TESK2: variants seen among roughly 807,000 people sequenced by gnomAD.
TESK2 encodes the protein testis associated actin remodelling kinase 2.
A neutral mutation model predicts 57.1 loss-of-function variants in TESK2; 39 were observed. The ratio of observed to expected loss-of-function variants is 0.68; its 90% CI spans 0.53 to 0.89. TESK2 has a LOEUF of 0.89. Among genes scored for constraint, TESK2 ranks in the 40% least tolerant of loss-of-function variants. The pLI is 0.00. For synonymous variants in TESK2, 249 were observed against 267.9 expected (o/e 0.93, Z 0.69); for missense variants, 646 against 732.1 (o/e 0.88, Z 1.36).
At position 45,367,635 on chromosome 1, in the gene TESK2, C is replaced by G. The variant is rs186597778; in HGVS notation, c.394-12186G>C. Among the ~76,000 whole-genome samples, 7 of 151,568 alleles carry G rather than the reference C, an allele frequency of 4.6e-5. No individual in the cohort carries two copies. In the East Asian group the frequency reaches 1.2e-3, roughly 25 times the overall value. ...AAGTGTAGGGATTACAGGCGTGAGC[C>G]ACTGCATCTGGTCACAAAGCATTTT... On this transcript the variant is annotated intron_variant, in intron 4 of 10. Transcript: ENST00000372086.
chr1:45,471,363 T>C (rs1226390323), intron 1 of TESK2, among the ~76,000 whole-genome samples: 1 of 152,050 alleles, frequency 6.6e-6, no homozygotes, highest in African/African-American at 2.4e-5. Flanking sequence ...AAGAACTCAG[T>C]CTCCTGAAAG....
intron 2 of TESK2, among the ~76,000 whole-genome samples, chr1:45,449,804 G>C (rs1651799732): frequency 6.6e-6 from 1 of 152,108 alleles, no homozygotes; most frequent in Admixed American, 6.6e-5. Context: ...GTTTATTTCA[G>C]TGTTTGAAAT....
intron 3 of TESK2, among the ~76,000 whole-genome samples, chr1:45,403,630 A>G (rs1213313177): frequency 2.0e-5 from 3 of 152,186 alleles, no homozygotes; most frequent in Non-Finnish European, 2.9e-5. Context: ...CATAATAACA[A>G]GAGGCCCAAT....
rs188889990 is a variant in TESK2, at chr1:45,452,002, C to T, written c.222+5562G>A. On this transcript the variant is annotated intron_variant, in intron 2 of 10. Coordinates refer to ENST00000372086, the MANE Select transcript of TESK2 (RefSeq NM_007170.3). The stretch of plus-strand genomic sequence containing the variant: ...GAGCCAAGATCACACCACTGCATTC[C>T]AGCCTGGGAGACAGAACAAGACTCC... Among the ~76,000 whole-genome samples the T allele has an allele frequency of 6.2e-4, 80 of 129,268 alleles. No individual in the cohort carries two copies. In the East Asian group the frequency reaches 0.013, roughly 21 times the overall value. 84.8% of individuals were successfully genotyped at this position (129,268 alleles called of 152,430 possible). A position where few individuals can be genotyped will look rare whatever the true frequency, so the allele number is the denominator to read the frequency against.
chr1:45,380,024 G>A (rs745445815), intron 4 of TESK2, among the ~76,000 whole-genome samples: 40 of 151,980 alleles, frequency 2.6e-4, no homozygotes, highest in Non-Finnish European at 2.9e-4. Context: ...TCAGCCTCCG[G>A]AGTAACTGGG....
At chr1:45,485,023 T>C (rs1653400604) in intron 1 of TESK2, among the ~76,000 whole-genome samples, 1 of 151,312 alleles carries the variant, frequency 6.6e-6, no homozygotes, top group Non-Finnish European at 1.5e-5. Context: ...AGAGCGAGAC[T>C]CCGTCTCAAA....
chr1:45,413,485 G>A (rs1401277844), intron 3 of TESK2, among the ~76,000 whole-genome samples: 1 of 152,192 alleles, frequency 6.6e-6, no homozygotes, highest in Non-Finnish European at 1.5e-5. Context: ...AGGATTAAAT[G>A]CCTACCACCT....
intron 1 of TESK2, among the ~76,000 whole-genome samples, chr1:45,463,881 G>A (rs1021415315): frequency 2.6e-5 from 4 of 152,250 alleles, no homozygotes; most frequent in East Asian, 3.9e-4. Flanking sequence ...GAGCCACCAT[G>A]CCCAGCCTAT....
At chr1:45,391,163 C>G (rs894324508) in intron 3 of TESK2, among the ~76,000 whole-genome samples, 2 of 151,102 alleles carry the variant, frequency 1.3e-5, no homozygotes, top group Admixed American at 6.6e-5. Context: ...TGATCCGCCC[C>G]CCTCAGCCTC....
At chr1:45,428,816 ATTTTTTTTTT>A (rs71052876) in intron 2 of TESK2, among the ~76,000 whole-genome samples, 2 of 82,592 alleles carry the variant, frequency 2.4e-5, no homozygotes, top group Non-Finnish European at 4.2e-5. Flanking sequence ...TAAATTCCTG[ATTTTTTTTTT>A]TTTTTTTTTT....
intron 5 of TESK2, among the ~76,000 whole-genome samples, chr1:45,353,485 C>G (rs1647290261): frequency 1.3e-5 from 2 of 152,210 alleles, no homozygotes; most frequent in Admixed American, 6.5e-5. Context: ...GCTTTATTGA[C>G]TCAGTACTGC....
chr1:45,383,132 C>T (rs985388081), intron 4 of TESK2, among the ~76,000 whole-genome samples: 3 of 152,188 alleles, frequency 2.0e-5, no homozygotes, highest in Admixed American at 6.5e-5. Context: ...AAGAATGGTA[C>T]TCACATTACT....
intron 2 of TESK2, among the ~76,000 whole-genome samples, chr1:45,448,256 GA>G (rs1651723519): frequency 8.0e-6 from 1 of 125,226 alleles, no homozygotes; most frequent in Non-Finnish European, 1.7e-5. Context: ...AAAAAAAAAA[GA>G]AAAAAGAAAA....
intron 1 of TESK2, among the ~76,000 whole-genome samples, chr1:45,483,276 G>A (rs1299781313): frequency 1.3e-4 from 19 of 146,732 alleles, no homozygotes; most frequent in Middle Eastern, 3.6e-3. Context: ...GAGAGACTTC[G>A]TCTCAAAAAA....
intron 1 of TESK2, among the ~76,000 whole-genome samples, chr1:45,463,952 T>A (rs1652433619): frequency 2.0e-5 from 3 of 152,124 alleles, no homozygotes; most frequent in African/African-American, 4.8e-5. Context: ...TGTGGTATAA[T>A]TTGAAGTCAA....
chr1:45,345,459 C>T lies in TESK2; in HGVS notation c.1097G>A (p.Arg366Gln), dbSNP rs770863608. 23 of 1,613,972 alleles carry T rather than the reference C, an allele frequency of 1.4e-5. No homozygotes were observed. Among genetic ancestry groups the T allele is most frequent in the Middle Eastern group, 1.6e-4 (1 of 6,084 alleles). ...PCPRRTIWLS[R>Q]SQSDIFSRKP... ...ACGGGAAAAGATATCTGACTGGCTT[C>T]GAGACAGCCAGATGGTACGTCTTGG... is the stretch of plus-strand genomic sequence containing the variant. The change falls in exon 11 of 11, where the codon CGA becomes CAA. Residue 366 changes from arginine (R) to glutamine (Q), a missense_variant. Coordinates refer to ENST00000372086, the MANE Select transcript of TESK2 (RefSeq NM_007170.3).
chr1:45,425,624 C>A (rs1650658286), intron 2 of TESK2, among the ~76,000 whole-genome samples: 1 of 152,060 alleles, frequency 6.6e-6, no homozygotes, highest in African/African-American at 2.4e-5. Flanking sequence ...CACTATACTC[C>A]AGCCTGGGTG....
chr1:45,362,643 A>G (rs1429224056), intron 4 of TESK2, among the ~76,000 whole-genome samples: 1 of 152,180 alleles, frequency 6.6e-6, no homozygotes, highest in African/African-American at 2.4e-5. Flanking sequence ...AATCTACCCA[A>G]CTGGCCAGGA....
At chr1:45,375,640 G>A (rs1648386945) in intron 4 of TESK2, among the ~76,000 whole-genome samples, 1 of 152,076 alleles carries the variant, frequency 6.6e-6, no homozygotes, top group Non-Finnish European at 1.5e-5. Flanking sequence ...GCTCATGCCT[G>A]TAGTCCCAGT....
Sources: gnomAD v4.1 joint callset for allele counts (sites outside exome capture counted in the v4.1 genomes callset) on GRCh38, gnomAD v4.1.1 for gene constraint, MANE v1.5 for transcripts, NCBI Gene and HGNC (gene_info 2026-07-23, HGNC 2026-07-21) for gene names.